Variants in GBX1 observed in about 807,000 individuals in gnomAD.
GBX1 encodes the protein gastrulation brain homeobox 1, also known as homeobox protein GBX-1.
Under a neutral mutation model 22.9 loss-of-function variants are expected in GBX1, and 9 were observed. That is an observed-to-expected ratio of 0.39 (90% CI 0.24 to 0.69). The LOEUF (loss-of-function observed/expected upper bound fraction) is 0.69. Ranked by LOEUF, GBX1 falls within the 30% of genes least tolerant of loss-of-function variation. The pLI, the probability that GBX1 is intolerant of heterozygous loss-of-function variation, is 0.43. For synonymous variants in GBX1, 203 were observed against 227.3 expected, an observed-to-expected ratio of 0.89 and a Z score of 0.96; for missense variants, 494 against 509.2, an observed-to-expected ratio of 0.97 and a Z score of 0.29.
Position 151,166,183 on chromosome 7 carries a change from C to G in GBX1, c.538+828G>C, listed in dbSNP as rs546675876. Among the ~76,000 whole-genome samples the G allele has an allele frequency of 2.6e-5, 4 of 152,260 alleles. 1 individual carries two copies. The South Asian group carries it at 8.3e-4, about 32-fold the overall frequency. Reference sequence around the variant, plus strand: ...CAGGAGGGCTCTAATTGAATGGACTCTAAACAAGGTTCAGTTTAATACACC... The same window carrying G: ...CAGGAGGGCTCTAATTGAATGGACTGTAAACAAGGTTCAGTTTAATACACC... On this transcript the variant is annotated intron_variant, in intron 1 of 1. Coordinates refer to ENST00000297537, the MANE Select transcript of GBX1 (RefSeq NM_001098834.3).
intron 1 of GBX1, chr7:151,149,628 A>G (rs909131545): frequency 2.2e-5 from 6 of 272,440 alleles, no homozygotes; most frequent in African/African-American, 4.6e-5. Flanking sequence ...GGAGGAGTGA[A>G]GCAATGCAGA....
intron 1 of GBX1, among the ~76,000 whole-genome samples, chr7:151,162,381 G>C (rs555305787): frequency 1.0e-3 from 152 of 152,190 alleles, no homozygotes; most frequent in African/African-American, 3.5e-3. Flanking sequence ...ATGTTCCCTA[G>C]CTACATTCAG....
At position 151,148,729 on chromosome 7, in the gene GBX1, G is replaced by A. The variant is rs368877994; in HGVS notation, c.952C>T (p.Arg318Cys). Reference sequence around the variant, plus strand: ...CTGCTCACATTGCCAGCTTTGATGCGCTTCCACTTGGCCCGTCGATTCTGA... The same window carrying A: ...CTGCTCACATTGCCAGCTTTGATGCACTTCCACTTGGCCCGTCGATTCTGA... ...WFQNRRAKWKRIKAGNVSSRS... is the reference protein window; with the variant it reads ...WFQNRRAKWKCIKAGNVSSRS... The change falls in exon 2 of 2, where the codon CGC (arginine) becomes TGC (cysteine). Residue 318 changes from arginine to cysteine, a missense_variant. By Grantham distance (180) the Arg-to-Cys change is radical. Coordinates refer to ENST00000297537, the MANE Select transcript of GBX1 (RefSeq NM_001098834.3). The surrounding 1 kb of genome is among the most constrained non-coding windows in gnomAD (Gnocchi z 5.1). The A allele has an allele frequency of 9.3e-6, 15 of 1,613,998 alleles. No homozygotes were observed. The highest frequency in any genetic ancestry group is 1.0e-5 in the Non-Finnish European group (12 of 1,180,036).
chr7:151,158,904 A>C (rs1208386279), intron 1 of GBX1, among the ~76,000 whole-genome samples: 2 of 152,144 alleles, frequency 1.3e-5, no homozygotes, highest in Admixed American at 1.3e-4. Flanking sequence ...CTGTGAGGTA[A>C]ATATTACTGT....
intron 1 of GBX1, among the ~76,000 whole-genome samples, chr7:151,153,508 C>T (rs1030476173): frequency 4.6e-5 from 7 of 151,450 alleles, no homozygotes; most frequent in Admixed American, 3.3e-4. Context: ...AAAAATTGCA[C>T]ATAAAAATTT....
intron 1 of GBX1, among the ~76,000 whole-genome samples, chr7:151,152,669 A>G (rs1801093364): frequency 6.6e-6 from 1 of 152,186 alleles, no homozygotes; most frequent in African/African-American, 2.4e-5. Flanking sequence ...TAAATTGATG[A>G]TGATTGAGAT....
chr7:151,157,819 G>A (rs1801152448), intron 1 of GBX1, among the ~76,000 whole-genome samples: 2 of 152,268 alleles, frequency 1.3e-5, no homozygotes, highest in African/African-American at 4.8e-5. Flanking sequence ...TATCTCCCTG[G>A]AGTCATGATT....
chr7:151,160,827 T>C (rs919269526), intron 1 of GBX1, among the ~76,000 whole-genome samples: 3 of 152,322 alleles, frequency 2.0e-5, no homozygotes, highest in African/African-American at 7.2e-5. Flanking sequence ...CCCGCCTCTT[T>C]TTTACTACAC....
Position 151,149,780 on chromosome 7 carries a change from A to G in GBX1, c.539-638T>C. ...TCCTCTCCCTCTTCCCTAGATCTGC[A>G]GTCCCTGAACCTCATTTCCATGGCT... On this transcript the variant is annotated intron_variant, in intron 1 of 1. Coordinates refer to ENST00000297537, the MANE Select transcript of GBX1 (RefSeq NM_001098834.3). The G allele has an allele frequency of 7.9e-6, 3 of 380,328 alleles. 1 individual carries two copies. The highest frequency in any genetic ancestry group is 5.8e-5 in the South Asian group (3 of 52,150). 23.6% of individuals were successfully genotyped at this position (380,328 alleles called of 1,614,324 possible).
chr7:151,149,778 G>GC (rs1390538221), intron 1 of GBX1: 1 of 379,494 alleles, frequency 2.6e-6, no homozygotes. Flanking sequence ...CCCTAGATCT[G>GC]CAGTCCCTGA....
intron 1 of GBX1, among the ~76,000 whole-genome samples, chr7:151,155,965 G>A (rs1379170913): frequency 6.6e-6 from 1 of 152,146 alleles, no homozygotes; most frequent in African/African-American, 2.4e-5. Context: ...GTCTCCTAAA[G>A]CTGCAGTTAA....
At chr7:151,157,867 A>G (rs1231514335) in intron 1 of GBX1, among the ~76,000 whole-genome samples, 1 of 152,176 alleles carries the variant, frequency 6.6e-6, no homozygotes, top group African/African-American at 2.4e-5. Flanking sequence ...TTTTATTTAC[A>G]CTAGAATCCA....
intron 1 of GBX1, 72 bp downstream of exon 1, chr7:151,166,939 C>G: frequency 6.7e-7 from 1 of 1,502,858 alleles, no homozygotes; most frequent in South Asian, 1.2e-5. Flanking sequence ...TGCCGAGGTT[C>G]CGAGCAGGTT....
intron 1 of GBX1, among the ~76,000 whole-genome samples, chr7:151,151,180 C>T (rs548170916): frequency 1.2e-4 from 18 of 152,336 alleles, no homozygotes; most frequent in South Asian, 4.1e-4. Flanking sequence ...AAAGTCCATG[C>T]GGCATGCCCC....
At chr7:151,160,956 C>T (rs1168703534) in intron 1 of GBX1, among the ~76,000 whole-genome samples, 1 of 152,146 alleles carries the variant, frequency 6.6e-6, no homozygotes, top group East Asian at 1.9e-4. Flanking sequence ...TCCCCATTCC[C>T]TCCTTCTTCC....
Position 151,163,994 on chromosome 7 carries a change from C to T in GBX1, c.538+3017G>A, listed in dbSNP as rs534943672. Among the ~76,000 whole-genome samples, 60 of 152,276 alleles carry T rather than the reference C, an allele frequency of 3.9e-4. 1 individual carries two copies. In the East Asian group the frequency reaches 0.011, roughly 29 times the overall value. On this transcript the variant is annotated intron_variant, in intron 1 of 1. Coordinates refer to ENST00000297537, the MANE Select transcript of GBX1 (RefSeq NM_001098834.3). ...AAGTCATAACAAAGTTCCTTTTATC[C>T]TTCCTCAGTTCTAGTAGAGAATGGT...
chr7:151,157,238 G>A (rs2150549230), intron 1 of GBX1, among the ~76,000 whole-genome samples: 1 of 152,274 alleles, frequency 6.6e-6, no homozygotes, highest in African/African-American at 2.4e-5. Flanking sequence ...GGAGGTTGCA[G>A]GGAGCCAAGA....
At chr7:151,166,476 C>G (rs1013756375) in intron 1 of GBX1, among the ~76,000 whole-genome samples, 14 of 100,700 alleles carry the variant, frequency 1.4e-4, no homozygotes, top group African/African-American at 5.0e-4. Context: ...GAGACGCAAC[C>G]CCCCCCCCCC....
intron 1 of GBX1, among the ~76,000 whole-genome samples, chr7:151,165,046 C>T (rs557598747): frequency 7.9e-5 from 12 of 151,958 alleles, no homozygotes; most frequent in Admixed American, 2.0e-4. Flanking sequence ...TAATACAGTT[C>T]ACTTTTCATT....
Sources: allele counts gnomAD v4.1 joint callset (sites outside exome capture counted in the v4.1 genomes callset), GRCh38; gene constraint gnomAD v4.1.1; non-coding constraint Gnocchi (gnomAD v3.1); transcripts MANE v1.5; gene names NCBI Gene and HGNC (gene_info 2026-07-23, HGNC 2026-07-21).